The following ARK2C variants were observed in gnomAD, a reference collection of about 807,000 sequenced individuals.
The protein encoded by ARK2C is E3 ubiquitin-protein ligase ARK2C.
the ARK2C span, among the ~76,000 whole-genome samples, chr18:46,407,827 G>A: frequency 6.6e-6 from 1 of 152,188 alleles, no homozygotes; most frequent in African/African-American, 2.4e-5. Flanking sequence ...TGAAAAGTTG[G>A]GTGACACCAC....
chr18:46,378,478 G>A, the ARK2C span, among the ~76,000 whole-genome samples: 2 of 152,152 alleles, frequency 1.3e-5, no homozygotes, highest in Non-Finnish European at 2.9e-5. Flanking sequence ...CTTTTGCACC[G>A]CTTTCTGTAA....
the ARK2C span, among the ~76,000 whole-genome samples, chr18:46,436,312 G>A: frequency 6.6e-6 from 1 of 152,024 alleles, no homozygotes; most frequent in Admixed American, 6.6e-5. Context: ...ATACATTGTG[G>A]GGGAGAGAGA....
the ARK2C span, among the ~76,000 whole-genome samples, chr18:46,442,374 A>G: frequency 5.9e-5 from 9 of 152,184 alleles, no homozygotes; most frequent in African/African-American, 2.2e-4. Flanking sequence ...TTTAAGGACT[A>G]CAAACTTTCT....
chr18:46,412,147 C>A, the ARK2C span, among the ~76,000 whole-genome samples: 1 of 152,244 alleles, frequency 6.6e-6, no homozygotes, highest in Non-Finnish European at 1.5e-5. Flanking sequence ...CAGCCCCCTC[C>A]CCTCAAGGTT....
At chr18:46,444,854 C>T in the ARK2C span, among the ~76,000 whole-genome samples, 193 of 152,244 alleles carry the variant, frequency 1.3e-3, no homozygotes, top group African/African-American at 4.0e-3. Flanking sequence ...TACTCTAACC[C>T]AGTGAATTTC....
At chr18:46,399,754 C>T in the ARK2C span, among the ~76,000 whole-genome samples, 1 of 152,216 alleles carries the variant, frequency 6.6e-6, no homozygotes, top group African/African-American at 2.4e-5. Context: ...GCCCGAGGCC[C>T]TGCCCTTTCT....
chr18:46,397,295 C>G, the ARK2C span, among the ~76,000 whole-genome samples: 1 of 152,164 alleles, frequency 6.6e-6, no homozygotes, highest in African/African-American at 2.4e-5. Flanking sequence ...TCAGGAAATA[C>G]AAGACCAGTG....
At chr18:46,357,000 G>A in the ARK2C span, among the ~76,000 whole-genome samples, 2 of 152,194 alleles carry the variant, frequency 1.3e-5, no homozygotes, top group African/African-American at 4.8e-5. Flanking sequence ...TCCCACACCT[G>A]TCATTTGGGC....
the ARK2C span, chr18:46,447,733 C>G: frequency 9.9e-6 from 16 of 1,613,120 alleles, no homozygotes; most frequent in Admixed American, 1.7e-5. Context: ...CTATTGAGTG[C>G]CAGTGGTGGT....
the ARK2C span, among the ~76,000 whole-genome samples, chr18:46,339,333 A>G: frequency 6.6e-6 from 1 of 152,234 alleles, no homozygotes; most frequent in East Asian, 1.9e-4. Flanking sequence ...AATTTTTGTT[A>G]AGTATGTCAG....
chr18:46,456,823 C>T, the ARK2C span: 8 of 576,592 alleles, frequency 1.4e-5, no homozygotes, highest in South Asian at 1.4e-4. Flanking sequence ...GGACCCACCT[C>T]TCCAGAATGG....
At chr18:46,433,236 C>A in the ARK2C span, 7 of 1,606,092 alleles carry the variant, frequency 4.4e-6, no homozygotes, top group Non-Finnish European at 6.0e-6. Context: ...CCTCCTGCCG[C>A]CACTTCCACC....
the ARK2C span, among the ~76,000 whole-genome samples, chr18:46,347,027 G>A: frequency 6.6e-6 from 1 of 152,234 alleles, no homozygotes; most frequent in Admixed American, 6.5e-5. Flanking sequence ...GCCAGAAAGT[G>A]TGGCCTAGCA....
the ARK2C span, among the ~76,000 whole-genome samples, chr18:46,448,449 C>T: frequency 7.2e-5 from 11 of 152,126 alleles, no homozygotes; most frequent in African/African-American, 2.4e-4. Context: ...AAAGGGGCAG[C>T]GTGGCAGGGT....
chr18:46,352,020 C>T, the ARK2C span, among the ~76,000 whole-genome samples: 1 of 152,186 alleles, frequency 6.6e-6, no homozygotes, highest in African/African-American at 2.4e-5. Context: ...GCAATGGAGT[C>T]TTCCTGCCCT....
chr18:46,422,690 A>C, the ARK2C span, among the ~76,000 whole-genome samples: 8 of 152,166 alleles, frequency 5.3e-5, no homozygotes, highest in East Asian at 7.7e-4. Context: ...AAAGGAGGGT[A>C]GATGTTGCAG....
the ARK2C span, among the ~76,000 whole-genome samples, chr18:46,428,759 A>G: frequency 6.6e-6 from 1 of 152,244 alleles, no homozygotes; most frequent in Non-Finnish European, 1.5e-5. Context: ...CATTTTGGAT[A>G]TGATGAATTA....
the ARK2C span, among the ~76,000 whole-genome samples, chr18:46,355,940 C>T: frequency 6.6e-6 from 1 of 152,124 alleles, no homozygotes; most frequent in Non-Finnish European, 1.5e-5. Context: ...GCAGATGGGC[C>T]TCTGTAGTGG....
At chr18:46,382,914 T>C in the ARK2C span, among the ~76,000 whole-genome samples, 1 of 152,228 alleles carries the variant, frequency 6.6e-6, no homozygotes, top group African/African-American at 2.4e-5. Context: ...CACCATGAGC[T>C]CATGTAGTCC....
Sources: gnomAD v4.1 joint callset for allele counts (sites outside exome capture counted in the v4.1 genomes callset) on GRCh38, gnomAD v4.1.1 for gene constraint, MANE v1.5 for transcripts, NCBI Gene and HGNC (gene_info 2026-07-23, HGNC 2026-07-21) for gene names.